Variants in PAK5 observed in about 807,000 individuals in gnomAD.
PAK5 encodes p21 (RAC1) activated kinase 5.
In PAK5, 16 loss-of-function variants were observed where a neutral mutation model predicts 65.9. The ratio of observed to expected loss-of-function variants is 0.24; its 90% CI spans 0.16 to 0.37. The LOEUF is 0.37. Ranked by LOEUF, PAK5 falls within the 10% of genes least tolerant of loss-of-function variation. The pLI, the probability that PAK5 is intolerant of heterozygous loss-of-function variation, is 1.00. For missense variants in PAK5, 785 were observed against 903.9 expected (o/e 0.87, Z 1.69); for synonymous variants, 371 against 354.9 (o/e 1.05, Z -0.51).
At chr20:9,567,108 C>A (rs982297294) in intron 4 of PAK5, among the ~76,000 whole-genome samples, 5 of 152,090 alleles carry the variant, frequency 3.3e-5, no homozygotes, top group African/African-American at 1.2e-4. Flanking sequence ...GGAGCTCTGG[C>A]CACTCCTGGA....
At chr20:9,572,087 T>C (rs1447421863) in intron 4 of PAK5, among the ~76,000 whole-genome samples, 2 of 150,912 alleles carry the variant, frequency 1.3e-5, no homozygotes, top group African/African-American at 2.4e-5. Context: ...TTTTGGCTTG[T>C]TTGTTTTGAG....
intron 1 of PAK5, among the ~76,000 whole-genome samples, chr20:9,766,632 T>C (rs1373478068): frequency 6.7e-6 from 1 of 149,652 alleles, no homozygotes; most frequent in Non-Finnish European, 1.5e-5. Context: ...CCCACAAACA[T>C]AATGAGTAAA....
At chr20:9,809,697 C>T (rs1195987513) in intron 1 of PAK5, among the ~76,000 whole-genome samples, 1 of 152,164 alleles carries the variant, frequency 6.6e-6, no homozygotes, top group Non-Finnish European at 1.5e-5. Context: ...ATTTCTACCA[C>T]ACAGCACCTG....
At chr20:9,830,412 A>G (rs1978616119) in intron 1 of PAK5, among the ~76,000 whole-genome samples, 1 of 152,220 alleles carries the variant, frequency 6.6e-6, no homozygotes, top group Admixed American at 6.5e-5. Flanking sequence ...ATGATCTTTT[A>G]ATATTTAGTT....
chr20:9,665,066 T>G (rs112652087), intron 2 of PAK5, among the ~76,000 whole-genome samples: 5 of 145,680 alleles, frequency 3.4e-5, no homozygotes, highest in African/African-American at 1.0e-4. Flanking sequence ...CACACCACCA[T>G]GCCCAGCTAA....
intron 1 of PAK5, among the ~76,000 whole-genome samples, chr20:9,753,966 C>A (rs1357746983): frequency 6.6e-6 from 1 of 152,130 alleles, no homozygotes; most frequent in Non-Finnish European, 1.5e-5. Context: ...AGAGAGCATT[C>A]CCTCAATAAG....
chr20:9,655,495 G>C (rs1191505896), intron 2 of PAK5, among the ~76,000 whole-genome samples: 1 of 151,392 alleles, frequency 6.6e-6, no homozygotes, highest in East Asian at 1.9e-4. Flanking sequence ...TTCCATATCA[G>C]CACACATATC....
At chr20:9,687,523 C>G (rs186273166) in intron 2 of PAK5, among the ~76,000 whole-genome samples, 1 of 152,296 alleles carries the variant, frequency 6.6e-6, no homozygotes, top group Admixed American at 6.5e-5. Context: ...TATTACTTTA[C>G]ATGATGCTCA....
Position 9,562,794 on chromosome 20 carries a change from A to T in PAK5, c.1616+97T>A, listed in dbSNP as rs961009208. The T allele has an allele frequency of 8.1e-6, 9 of 1,107,874 alleles. No individual in the cohort carries two copies. In the South Asian group the frequency reaches 1.2e-4, roughly 15 times the overall value. 68.6% of individuals were successfully genotyped at this position (1,107,874 alleles called of 1,614,324 possible). ...GGGTAGTCATATTCCCTGACTCCAA[A>T]GTGCCTGCAATTTATGAAGAGTTCA... is the stretch of plus-strand genomic sequence containing the variant. On this transcript the variant is annotated intron_variant, in intron 6 of 9. Transcript: ENST00000353224.
intron 4 of PAK5, among the ~76,000 whole-genome samples, chr20:9,566,730 G>A (rs1408643052): frequency 2.0e-5 from 3 of 152,124 alleles, no homozygotes; most frequent in Admixed American, 2.0e-4. Flanking sequence ...CTTTTCCCAT[G>A]CTTCTGAATT....
At chr20:9,803,664 A>G (rs967397254) in intron 1 of PAK5, among the ~76,000 whole-genome samples, 1 of 152,190 alleles carries the variant, frequency 6.6e-6, no homozygotes, top group African/African-American at 2.4e-5. Flanking sequence ...TGATGCAATT[A>G]TATATCTGCA....
chr20:9,803,475 A>C (rs1005157226), intron 1 of PAK5, among the ~76,000 whole-genome samples: 3 of 152,174 alleles, frequency 2.0e-5, no homozygotes, highest in African/African-American at 7.2e-5. Flanking sequence ...GAAAATGGAG[A>C]TATTTTATAT....
chr20:9,770,996 G>T (rs1465971062), intron 1 of PAK5, among the ~76,000 whole-genome samples: 1 of 152,018 alleles, frequency 6.6e-6, no homozygotes, highest in African/African-American at 2.4e-5. Context: ...GAGACTCCTG[G>T]GTATAAACGT....
chr20:9,589,426 T>C (rs958446306), intron 3 of PAK5, among the ~76,000 whole-genome samples: 2 of 152,222 alleles, frequency 1.3e-5, no homozygotes, highest in Non-Finnish European at 2.9e-5. Context: ...TTTCACTCGC[T>C]ATTACCAATA....
At position 9,539,453 on chromosome 20, in the gene PAK5, A is replaced by G; in HGVS notation, c.*9T>C. The G allele has an allele frequency of 1.2e-6, 2 of 1,613,158 alleles. No individual in the cohort carries two copies. The highest frequency in any genetic ancestry group is 1.7e-6 in the Non-Finnish European group (2 of 1,179,318). ...TCATCTAGCTTTGCCACCTACACGA[A>G]TCCTCTGCTCAGTGATGCCTGTATT... On this transcript the variant is annotated 3_prime_UTR_variant, in exon 10 of 10. Transcript: ENST00000353224.
At chr20:9,725,125 A>T (rs142145541) in intron 1 of PAK5, among the ~76,000 whole-genome samples, 1 of 152,286 alleles carries the variant, frequency 6.6e-6, no homozygotes, top group East Asian at 1.9e-4. Flanking sequence ...CATATTGCAT[A>T]TAACTGTGCC....
intron 7 of PAK5, among the ~76,000 whole-genome samples, chr20:9,554,086 A>G (rs1484773175): frequency 6.6e-6 from 1 of 152,226 alleles, no homozygotes; most frequent in Non-Finnish European, 1.5e-5. Context: ...GATGTTGAAC[A>G]TCTTCAAACA....
At chr20:9,731,761 A>T (rs1249163942) in intron 1 of PAK5, among the ~76,000 whole-genome samples, 2 of 152,218 alleles carry the variant, frequency 1.3e-5, no homozygotes, top group African/African-American at 4.8e-5. Context: ...AAATTGGCTC[A>T]TTTGTAACTA....
intron 1 of PAK5, among the ~76,000 whole-genome samples, chr20:9,788,337 T>A (rs376027257): frequency 6.6e-6 from 1 of 151,592 alleles, no homozygotes; most frequent in African/African-American, 2.4e-5. Flanking sequence ...TTCTGACAGG[T>A]TTCCAAAGAC....
Sources: allele counts gnomAD v4.1 joint callset (sites outside exome capture counted in the v4.1 genomes callset), GRCh38; gene constraint gnomAD v4.1.1; transcripts MANE v1.5; gene names NCBI Gene and HGNC (gene_info 2026-07-23, HGNC 2026-07-21).